FHIT: variants seen among roughly 807,000 people sequenced by gnomAD.
FHIT encodes the protein fragile histidine triad diadenosine triphosphatase.
A neutral mutation model predicts 17.9 loss-of-function variants in FHIT; 19 were observed. That is an observed-to-expected ratio of 1.06 (90% confidence interval 0.74 to 1.56). FHIT has a LOEUF of 1.56. FHIT is among the 40% of genes most tolerant of loss of function. The pLI is 0.00. For missense variants in FHIT, 248 were observed against 189.2 expected (o/e 1.31, Z -1.82); for synonymous variants, 81 against 69.7 (o/e 1.16, Z -0.81).
intron 3 of FHIT, among the ~76,000 whole-genome samples, chr3:60,983,190 G>A (rs1362222571): frequency 6.6e-6 from 1 of 151,042 alleles, no homozygotes; most frequent in South Asian, 2.1e-4. Context: ...TAAGATGTTG[G>A]CTTAGCCCAG....
intron 4 of FHIT, chr3:60,732,430 G>A: frequency 5.4e-6 from 4 of 742,202 alleles, no homozygotes; most frequent in South Asian, 1.3e-5. Flanking sequence ...GTGCCATATG[G>A]CATGTGAAGT....
intron 4 of FHIT, among the ~76,000 whole-genome samples, chr3:60,787,213 C>T (rs1700614492): frequency 6.6e-6 from 1 of 152,106 alleles, no homozygotes; most frequent in Non-Finnish European, 1.5e-5. Flanking sequence ...TATTTATATA[C>T]ATGCTACCAA....
At position 59,953,077 on chromosome 3, in the gene FHIT, T is replaced by C. The variant is rs115261343; in HGVS notation, c.280-30663A>G. Among the ~76,000 whole-genome samples the C allele has an allele frequency of 4.5e-3, 677 of 152,080 alleles. 4 individuals are homozygous for C. Among genetic ancestry groups the C allele is most frequent in the African/African-American group, 0.015 (625 of 41,494 alleles). On this transcript the variant is annotated intron_variant, in intron 7 of 9. Coordinates refer to ENST00000492590, the MANE Select transcript of FHIT (RefSeq NM_002012.4). ...CTGAATCTCGGTCCCCTAGCGTATG[T>C]TGTGTCTGTCTTTATGTACGTATCT...
At chr3:60,950,663 C>T (rs1178707651) in intron 3 of FHIT, among the ~76,000 whole-genome samples, 5 of 151,476 alleles carry the variant, frequency 3.3e-5, no homozygotes, top group Non-Finnish European at 5.9e-5. Context: ...ATTACAGGCA[C>T]GCACCACCAC....
At chr3:60,729,662 A>AT (rs2041988920) in intron 4 of FHIT, among the ~76,000 whole-genome samples, 1 of 152,144 alleles carries the variant, frequency 6.6e-6, no homozygotes, top group Non-Finnish European at 1.5e-5. Flanking sequence ...AATACACAGA[A>AT]TGCAGTCATT....
intron 5 of FHIT, among the ~76,000 whole-genome samples, chr3:60,367,381 T>G (rs1484161324): frequency 6.6e-6 from 1 of 152,174 alleles, no homozygotes; most frequent in Admixed American, 6.5e-5. Context: ...GATTATTACA[T>G]TTTAGTGAAT....
chr3:60,543,600 A>G (rs1367936273), intron 4 of FHIT, among the ~76,000 whole-genome samples: 1 of 152,150 alleles, frequency 6.6e-6, no homozygotes, highest in African/African-American at 2.4e-5. Context: ...CACTATTATA[A>G]ATGGTATCTT....
intron 5 of FHIT, among the ~76,000 whole-genome samples, chr3:60,371,870 T>C (rs1700346787): frequency 6.6e-6 from 1 of 151,068 alleles, no homozygotes; most frequent in Non-Finnish European, 1.5e-5. Context: ...GCTCAAAATG[T>C]TTATCTAACA....
intron 5 of FHIT, among the ~76,000 whole-genome samples, chr3:60,223,145 C>T (rs1012790383): frequency 6.6e-6 from 1 of 152,148 alleles, no homozygotes; most frequent in Non-Finnish European, 1.5e-5. Flanking sequence ...GATAGAGGCT[C>T]CCCTCAGGCA....
intron 5 of FHIT, among the ~76,000 whole-genome samples, chr3:60,387,023 C>CTTTTTTT (rs71627536): frequency 0.019 from 2,648 of 136,366 alleles, 91 homozygotes; most frequent in African/African-American, 0.039. Context: ...TCTATTTATT[C>CTTTTTTT]TTTTTTTTTT....
chr3:59,857,631 G>A (rs930604479), intron 8 of FHIT, among the ~76,000 whole-genome samples: 1 of 150,182 alleles, frequency 6.7e-6, no homozygotes, highest in African/African-American at 2.5e-5. Context: ...TTTGTCCTAT[G>A]AGCGTGGAAA....
intron 5 of FHIT, among the ~76,000 whole-genome samples, chr3:60,359,752 G>T (rs530469499): frequency 6.6e-6 from 1 of 152,208 alleles, no homozygotes; most frequent in East Asian, 1.9e-4. Flanking sequence ...TTCCAGACAG[G>T]TCCATTTTCA....
chr3:60,994,029 TATAA>T (rs1476053817), intron 3 of FHIT, among the ~76,000 whole-genome samples: 10 of 152,340 alleles, frequency 6.6e-5, no homozygotes, highest in African/African-American at 2.4e-4. Flanking sequence ...AAAAGAAGAA[TATAA>T]AATATGATTC....
chr3:59,976,056 G>C (rs1344651463), intron 7 of FHIT, among the ~76,000 whole-genome samples: 1 of 152,050 alleles, frequency 6.6e-6, no homozygotes, highest in African/African-American at 2.4e-5. Context: ...AGTGACCTTG[G>C]ACTGACCCTT....
intron 2 of FHIT, among the ~76,000 whole-genome samples, chr3:61,065,894 C>T (rs1575949123): frequency 6.6e-6 from 1 of 152,136 alleles, no homozygotes; most frequent in East Asian, 1.9e-4. Context: ...CTTACTGTAT[C>T]TCCATTCCTA....
intron 4 of FHIT, among the ~76,000 whole-genome samples, chr3:60,811,255 A>G (rs139092624): frequency 4.5e-4 from 68 of 152,332 alleles, no homozygotes; most frequent in African/African-American, 1.5e-3. Context: ...GAAGAAAAAC[A>G]GTAAGCTAAC....
chr3:60,109,327 C>A (rs1312007713), intron 5 of FHIT, among the ~76,000 whole-genome samples: 2 of 152,132 alleles, frequency 1.3e-5, no homozygotes, highest in Non-Finnish European at 2.9e-5. Flanking sequence ...TGTGTTTGAA[C>A]TTTTCATGTC....
intron 4 of FHIT, among the ~76,000 whole-genome samples, chr3:60,644,606 C>A (rs1328199656): frequency 6.6e-6 from 1 of 152,150 alleles, no homozygotes; most frequent in Non-Finnish European, 1.5e-5. Flanking sequence ...CTCTCCTTGC[C>A]CCTCTAAATT....
At chr3:60,764,763 C>G (rs1553720947) in intron 4 of FHIT, among the ~76,000 whole-genome samples, 1 of 150,194 alleles carries the variant, frequency 6.7e-6, no homozygotes, top group African/African-American at 2.4e-5. Flanking sequence ...CATATAATTA[C>G]ATATAATTAA....
Sources: gnomAD v4.1 joint callset for allele counts (sites outside exome capture counted in the v4.1 genomes callset) on GRCh38, gnomAD v4.1.1 for gene constraint, MANE v1.5 for transcripts, NCBI Gene and HGNC (gene_info 2026-07-23, HGNC 2026-07-21) for gene names.